Variants in KCNQ3 observed in about 807,000 individuals in gnomAD.
The protein encoded by KCNQ3 is potassium voltage-gated channel subfamily KQT member 3.
A neutral mutation model predicts 92.5 loss-of-function variants in KCNQ3; 30 were observed. The observed-to-expected ratio is 0.32, with a 90% CI of 0.24 to 0.44. KCNQ3 has a LOEUF of 0.44. KCNQ3 is among the 20% of genes least tolerant of loss of function. The pLI is 1.00. For missense variants in KCNQ3, 913 were observed against 1,140.3 expected, an observed-to-expected ratio of 0.80 and a Z score of 2.87; for synonymous variants, 450 against 468.8, an observed-to-expected ratio of 0.96 and a Z score of 0.52.
At chr8:132,367,731 G>A (rs895103072) in intron 1 of KCNQ3, among the ~76,000 whole-genome samples, 3 of 152,164 alleles carry the variant, frequency 2.0e-5, no homozygotes, top group Non-Finnish European at 4.4e-5. Context: ...AGTGCTGTGG[G>A]TCAGCTTGTA....
At chr8:132,356,573 G>C (rs1423327069) in intron 1 of KCNQ3, among the ~76,000 whole-genome samples, 1 of 152,172 alleles carries the variant, frequency 6.6e-6, no homozygotes, top group Non-Finnish European at 1.5e-5. Context: ...CAGAATATCA[G>C]GAAGCTCTTG....
Position 132,128,072 on chromosome 8 carries a change from C to G in KCNQ3, c.*1190G>C, listed in dbSNP as rs1467238540. On this transcript the variant is annotated 3_prime_UTR_variant, in exon 15 of 15. Transcript: ENST00000388996. ...TGTTTTGCAATAAAAGTGGAAATCC[C>G]CCTCCTGCTGGATAAACTGGGTGCT... 3 of 152,140 alleles carry G rather than the reference C, an allele frequency of 2.0e-5. No homozygotes were observed. The highest frequency in any genetic ancestry group is 7.2e-5 in the African/African-American group (3 of 41,450). The allele number at this position is 152,140 out of a possible 1,614,324, so 9.4% of individuals were successfully genotyped here. A position where few individuals can be genotyped will look rare whatever the true frequency, so the allele number is the denominator to read the frequency against.
chr8:132,435,659 C>A (rs1177443642), intron 1 of KCNQ3, among the ~76,000 whole-genome samples: 1 of 152,152 alleles, frequency 6.6e-6, no homozygotes, highest in Non-Finnish European at 1.5e-5. Context: ...AGCGAGAGAG[C>A]AAGCATAGAC....
chr8:132,168,717 ATGTGTGTGTGTGTG>A (rs568659056), intron 8 of KCNQ3, among the ~76,000 whole-genome samples: 5,508 of 108,362 alleles, frequency 0.051, 163 homozygotes, highest in Middle Eastern at 0.059. Flanking sequence ...GATAATGAAT[ATGTGTGTGTGTGTG>A]TGTGTGTGTG....
intron 1 of KCNQ3, among the ~76,000 whole-genome samples, chr8:132,449,481 C>T (rs1334903038): frequency 6.6e-6 from 1 of 152,104 alleles, no homozygotes; most frequent in Non-Finnish European, 1.5e-5. Context: ...TCCTACTCTG[C>T]CTCTCATGGT....
chr8:132,358,992 T>C (rs1236481926), intron 1 of KCNQ3, among the ~76,000 whole-genome samples: 1 of 152,224 alleles, frequency 6.6e-6, no homozygotes, highest in Admixed American at 6.5e-5. Context: ...GCTGGAATTC[T>C]GCCTCCAATA....
At chr8:132,161,554 CCCA>C (rs1264634986) in intron 9 of KCNQ3, among the ~76,000 whole-genome samples, 1 of 151,832 alleles carries the variant, frequency 6.6e-6, no homozygotes, top group Non-Finnish European at 1.5e-5. Context: ...ATCACTTGAA[CCCA>C]GGAAGCAGAG....
chr8:132,198,992 G>A (rs16904625), intron 1 of KCNQ3, among the ~76,000 whole-genome samples: 7,051 of 152,132 alleles, frequency 0.046, 539 homozygotes, highest in African/African-American at 0.16. Context: ...CCTATACCCT[G>A]GGCATGTCAT....
At chr8:132,331,033 T>C (rs1818212769) in intron 1 of KCNQ3, among the ~76,000 whole-genome samples, 1 of 152,198 alleles carries the variant, frequency 6.6e-6, no homozygotes, top group Admixed American at 6.5e-5. Context: ...TTTTCCTGGC[T>C]TCCAGTCCCC....
chr8:132,253,350 G>A (rs1432460534), intron 1 of KCNQ3, among the ~76,000 whole-genome samples: 2 of 152,040 alleles, frequency 1.3e-5, no homozygotes, highest in South Asian at 4.1e-4. Context: ...ATAAAATGAG[G>A]GTAATAATGA....
intron 1 of KCNQ3, among the ~76,000 whole-genome samples, chr8:132,347,074 T>C (rs1161508082): frequency 6.6e-6 from 1 of 152,186 alleles, no homozygotes; most frequent in Admixed American, 6.5e-5. Flanking sequence ...GCAGGTAGGA[T>C]ACCTGCCTGG....
At chr8:132,430,213 T>A (rs2130822768) in intron 1 of KCNQ3, among the ~76,000 whole-genome samples, 2 of 152,298 alleles carry the variant, frequency 1.3e-5, no homozygotes, top group Middle Eastern at 6.8e-3. Context: ...TGTATAAGCA[T>A]CAGGTGAAGT....
At chr8:132,269,573 G>GT (rs1374423097) in intron 1 of KCNQ3, among the ~76,000 whole-genome samples, 4 of 152,148 alleles carry the variant, frequency 2.6e-5, no homozygotes, top group Non-Finnish European at 5.9e-5. Flanking sequence ...TGAAAGACAT[G>GT]TTTTTTTACA....
chr8:132,396,820 CT>C (rs1217501708), intron 1 of KCNQ3, among the ~76,000 whole-genome samples: 2 of 152,108 alleles, frequency 1.3e-5, no homozygotes, highest in Non-Finnish European at 2.9e-5. Context: ...AGAGAACGTT[CT>C]TAGAAGAAGT....
chr8:132,378,108 A>T (rs977031672), intron 1 of KCNQ3, among the ~76,000 whole-genome samples: 2 of 152,176 alleles, frequency 1.3e-5, no homozygotes, highest in Non-Finnish European at 2.9e-5. Context: ...AAGTCAGACA[A>T]TATGGCCGGG....
intron 8 of KCNQ3, among the ~76,000 whole-genome samples, chr8:132,164,403 T>C (rs1366623252): frequency 1.3e-5 from 2 of 149,020 alleles, no homozygotes; most frequent in Non-Finnish European, 2.9e-5. Flanking sequence ...GAGTGCTCAC[T>C]AAATGTTGAA....
At chr8:132,220,425 C>A (rs1446354978) in intron 1 of KCNQ3, among the ~76,000 whole-genome samples, 1 of 152,182 alleles carries the variant, frequency 6.6e-6, no homozygotes, top group Non-Finnish European at 1.5e-5. Flanking sequence ...GAGCCTCGAG[C>A]TGATGGACTT....
chr8:132,424,106 C>T (rs1440412091), intron 1 of KCNQ3, among the ~76,000 whole-genome samples: 1 of 152,130 alleles, frequency 6.6e-6, no homozygotes, highest in Non-Finnish European at 1.5e-5. Context: ...GAACTGGTTC[C>T]GAATGGCAGC....
At chr8:132,132,096 A>T in intron 14 of KCNQ3, 84 bp downstream of exon 14, 1 of 1,009,474 alleles carries the variant, frequency 9.9e-7, no homozygotes, top group Non-Finnish European at 1.5e-6. Context: ...TTAAAAAAAA[A>T]AAAGAAAGAA....
Sources: allele counts gnomAD v4.1 joint callset (sites outside exome capture counted in the v4.1 genomes callset), GRCh38; gene constraint gnomAD v4.1.1; transcripts MANE v1.5; gene names NCBI Gene and HGNC (gene_info 2026-07-23, HGNC 2026-07-21).